AUTS2: variants seen among roughly 807,000 people sequenced by gnomAD.
The protein encoded by AUTS2 is autism susceptibility gene 2 protein.
In AUTS2, 17 loss-of-function variants were observed where a neutral mutation model predicts 112.4. The ratio of observed to expected loss-of-function variants is 0.15; its 90% CI spans 0.10 to 0.23. The LOEUF (loss-of-function observed/expected upper bound fraction) is 0.23, where lower values mean the gene tolerates loss of function less well. AUTS2 is among the 10% of genes least tolerant of loss of function. The pLI is 1.00. For missense variants in AUTS2, 1,510 were observed against 1,701.6 expected (o/e 0.89, Z 1.98); for synonymous variants, 751 against 702.7 (o/e 1.07, Z -1.09).
At chr7:70,602,179 AT>A (rs1803506589) in intron 5 of AUTS2, among the ~76,000 whole-genome samples, 1 of 47,466 alleles carries the variant, frequency 2.1e-5, no homozygotes, top group Non-Finnish European at 5.5e-5. Context: ...AACCTTTGCC[AT>A]CATCCTCTCA....
At chr7:70,163,242 A>G (rs1808190018) in intron 4 of AUTS2, among the ~76,000 whole-genome samples, 2 of 150,968 alleles carry the variant, frequency 1.3e-5, no homozygotes, top group Admixed American at 1.3e-4. Context: ...GAGCTCAGAG[A>G]GTTCATACGA....
chr7:70,721,992 T>C (rs1012885432), intron 6 of AUTS2, among the ~76,000 whole-genome samples: 5 of 152,206 alleles, frequency 3.3e-5, no homozygotes, highest in Admixed American at 2.6e-4. Flanking sequence ...TATTGAACTT[T>C]CCTTGCTTGT....
intron 5 of AUTS2, among the ~76,000 whole-genome samples, chr7:70,662,872 T>C (rs1382336965): frequency 6.6e-6 from 1 of 152,204 alleles, no homozygotes; most frequent in Non-Finnish European, 1.5e-5. Flanking sequence ...AGTAAATTGA[T>C]GTTGTGTTTC....
intron 5 of AUTS2, among the ~76,000 whole-genome samples, chr7:70,497,237 TCA>T (rs201919230): frequency 9.4e-6 from 1 of 106,178 alleles, no homozygotes. Context: ...CACACCCCAC[TCA>T]CACACACCAC....
In AUTS2 at chr7:70,571,912, G is replaced by A. The variant is rs188164094; in HGVS notation, c.691-126657G>A. ...GGGAATCTGATCCTGTTAGGGGAAC[G>A]ATCCAGTCCGGTGCAGAGCAGCTTT... is the stretch of plus-strand genomic sequence containing the variant. On this transcript the variant is annotated intron_variant, in intron 5 of 18. Transcript: ENST00000342771. Among the ~76,000 whole-genome samples the A allele has an allele frequency of 6.6e-5, 10 of 152,292 alleles. No homozygotes were observed. The East Asian group carries it at 7.7e-4, about 12-fold the overall frequency.
At chr7:69,749,104 A>G (rs535945204) in intron 1 of AUTS2, among the ~76,000 whole-genome samples, 1 of 152,258 alleles carries the variant, frequency 6.6e-6, no homozygotes, top group Admixed American at 6.5e-5. Flanking sequence ...TCAGGATTGA[A>G]TGAGATGATG....
intron 5 of AUTS2, among the ~76,000 whole-genome samples, chr7:70,541,410 C>A (rs1800548484): frequency 6.6e-6 from 1 of 152,204 alleles, no homozygotes; most frequent in African/African-American, 2.4e-5. Context: ...ACATACATAA[C>A]TGCTCACCTT....
intron 1 of AUTS2, among the ~76,000 whole-genome samples, chr7:69,729,609 A>T (rs1157757417): frequency 6.6e-6 from 1 of 152,048 alleles, no homozygotes; most frequent in Non-Finnish European, 1.5e-5. Flanking sequence ...GCCATACTTT[A>T]TATTCTTCTG....
At chr7:70,759,185 G>A (rs1789405711) in intron 6 of AUTS2, among the ~76,000 whole-genome samples, 1 of 152,194 alleles carries the variant, frequency 6.6e-6, no homozygotes, top group African/African-American at 2.4e-5. Context: ...CTGCTTTTTA[G>A]GAGGCAGCAT....
intron 2 of AUTS2, among the ~76,000 whole-genome samples, chr7:70,067,614 G>A (rs1202657794): frequency 6.6e-6 from 1 of 152,192 alleles, no homozygotes; most frequent in Non-Finnish European, 1.5e-5. Context: ...GGTAGTTCAA[G>A]GTGGGAGCAT....
chr7:70,714,568 TACAA>T (rs1810251741), intron 6 of AUTS2, among the ~76,000 whole-genome samples: 1 of 152,206 alleles, frequency 6.6e-6, no homozygotes, highest in African/African-American at 2.4e-5. Context: ...CACATCAGGA[TACAA>T]ACAGACACAC....
intron 2 of AUTS2, among the ~76,000 whole-genome samples, chr7:69,948,891 C>T (rs998698776): frequency 2.6e-5 from 4 of 151,780 alleles, no homozygotes; most frequent in Non-Finnish European, 4.4e-5. Context: ...CTGCAACCTC[C>T]ACCTCCCGGG....
At chr7:70,242,330 G>A (rs945711629) in intron 4 of AUTS2, among the ~76,000 whole-genome samples, 1 of 152,100 alleles carries the variant, frequency 6.6e-6, no homozygotes, top group African/African-American at 2.4e-5. Context: ...CCAGAGACTG[G>A]CCATTAATTA....
intron 6 of AUTS2, among the ~76,000 whole-genome samples, chr7:70,711,722 C>T (rs942225297): frequency 2.6e-5 from 4 of 152,172 alleles, no homozygotes; most frequent in Admixed American, 6.5e-5. Flanking sequence ...CCATGACAAG[C>T]GGCTGTCATT....
chr7:70,244,935 C>T lies in AUTS2; in HGVS notation c.660+110364C>T, dbSNP rs191295005. Among the ~76,000 whole-genome samples, 20 of 151,898 alleles carry T rather than the reference C, an allele frequency of 1.3e-4. No homozygotes were observed. The East Asian group carries it at 3.9e-3, about 29-fold the overall frequency. ...AGGAGTTTGTGACCAGTCTGGCCAACATGGTAAAACCCCGTCTCTACTAAA... is the reference window on the plus strand; with the variant it reads ...AGGAGTTTGTGACCAGTCTGGCCAATATGGTAAAACCCCGTCTCTACTAAA... On this transcript the variant is annotated intron_variant, in intron 4 of 18. Transcript: ENST00000342771.
intron 2 of AUTS2, among the ~76,000 whole-genome samples, chr7:69,973,183 T>TG (rs1797925322): frequency 6.6e-6 from 1 of 152,152 alleles, no homozygotes; most frequent in Admixed American, 6.5e-5. Context: ...CTATCACTTT[T>TG]GGGGGGCACT....
chr7:70,762,033 G>A (rs559609975), intron 6 of AUTS2, among the ~76,000 whole-genome samples: 1 of 152,132 alleles, frequency 6.6e-6, no homozygotes, highest in Non-Finnish European at 1.5e-5. Flanking sequence ...AGCACTTGCT[G>A]AACAAAAAAT....
At position 70,262,987 on chromosome 7, in the gene AUTS2, T is replaced by C. The variant is rs950252689; in HGVS notation, c.660+128416T>C. 4.6e-5 allele frequency among the ~76,000 whole-genome samples: 7 copies of C among 152,210 alleles called. No homozygotes were observed. In the South Asian group the frequency reaches 6.2e-4, roughly 14 times the overall value. ...TCCAAATAAATTAATTTGACAAATA[T>C]ACATAAACTTCAGTAAATTTTATTA... On this transcript the variant is annotated intron_variant, in intron 4 of 18. Coordinates refer to ENST00000342771, the MANE Select transcript of AUTS2 (RefSeq NM_015570.4).
chr7:70,396,209 C>T (rs1461665425), intron 4 of AUTS2, among the ~76,000 whole-genome samples: 1 of 152,116 alleles, frequency 6.6e-6, no homozygotes, highest in African/African-American at 2.4e-5. Context: ...GTCCCTTCCT[C>T]CTGCCCATTC....
Sources: gnomAD v4.1 joint callset for allele counts (sites outside exome capture counted in the v4.1 genomes callset) on GRCh38, gnomAD v4.1.1 for gene constraint, MANE v1.5 for transcripts, NCBI Gene and HGNC (gene_info 2026-07-23, HGNC 2026-07-21) for gene names.